SEC14L2: variants seen among roughly 807,000 people sequenced by gnomAD.
The protein encoded by SEC14L2 is SEC14-like protein 2.
A neutral mutation model predicts 56.9 loss-of-function variants in SEC14L2; 50 were observed. The observed-to-expected ratio is 0.88, with a 90% CI of 0.70 to 1.11. The LOEUF is 1.11. Ranked by LOEUF, SEC14L2 falls within the 50% of genes most tolerant of loss-of-function variation. The probability of loss-of-function intolerance (pLI) is 0.00; values close to 1 mark genes in which losing one functional copy is unlikely to be tolerated. For synonymous variants in SEC14L2, 179 were observed against 188.5 expected (o/e 0.95, Z 0.41); for missense variants, 414 against 500.7 (o/e 0.83, Z 1.65).
Position 30,400,920 on chromosome 22 carries a change from AAAAG to A in SEC14L2, c.130+1205_130+1208del, listed in dbSNP as rs1286922331. Among the ~76,000 whole-genome samples, 13 of 140,102 alleles carry A rather than the reference AAAAG, an allele frequency of 9.3e-5. 3 individuals carry two copies. The highest frequency in any genetic ancestry group is 3.3e-4 in the African/African-American group (11 of 33,740). The allele number at this position is 140,102 out of a possible 152,430, so 91.9% of individuals were successfully genotyped here. On this transcript the variant is annotated intron_variant, in intron 2 of 11. Coordinates refer to ENST00000615189, the MANE Select transcript of SEC14L2 (RefSeq NM_012429.5). ...AAAAAAAAAAAAAAAAAAAAAAAAAAAAAGAAGGTTACCTTTTTTTTTTTCTTTT... is the reference window on the plus strand; with the variant it reads ...AAAAAAAAAAAAAAAAAAAAAAAAAAAAGGTTACCTTTTTTTTTTTCTTTT...
intron 8 of SEC14L2, among the ~76,000 whole-genome samples, chr22:30,412,739 G>A (rs945351377): frequency 5.3e-5 from 8 of 150,758 alleles, no homozygotes; most frequent in African/African-American, 1.2e-4. Flanking sequence ...TGGGAGGATC[G>A]CTTAGCCCAG....
intron 8 of SEC14L2, among the ~76,000 whole-genome samples, chr22:30,413,542 A>C (rs1283782290): frequency 6.6e-6 from 1 of 152,212 alleles, no homozygotes; most frequent in African/African-American, 2.4e-5. Context: ...AAACATAGTG[A>C]GACACCGTTT....
intron 11 of SEC14L2, chr22:30,420,483 C>T (rs569247148): frequency 3.3e-5 from 5 of 152,302 alleles, no homozygotes; most frequent in Admixed American, 3.3e-4. Flanking sequence ...CATTATCGAC[C>T]TAGTACTTGG....
At position 30,423,493 on chromosome 22, in the gene SEC14L2, G is replaced by C. The variant is rs929344049; in HGVS notation, c.*1086G>C. The C allele has an allele frequency of 6.6e-6, 1 of 152,466 alleles. No individual in the cohort carries two copies. Among genetic ancestry groups the C allele is most frequent in the African/African-American group, 2.4e-5 (1 of 41,488 alleles). The allele number at this position is 152,466 out of a possible 1,614,324, so 9.4% of individuals were successfully genotyped here. On this transcript the variant is annotated 3_prime_UTR_variant, in exon 12 of 12. Coordinates refer to ENST00000615189, the MANE Select transcript of SEC14L2 (RefSeq NM_012429.5). Reference sequence around the variant, plus strand: ...AGGAGGCCGCCCAAAGGCGGGGCCGGCGTCTCGCAGACTAGGGGCTGGGGG... The same window carrying C: ...AGGAGGCCGCCCAAAGGCGGGGCCGCCGTCTCGCAGACTAGGGGCTGGGGG...
At position 30,422,948 on chromosome 22, in the gene SEC14L2, G is replaced by A. The variant is rs1227022334; in HGVS notation, c.*541G>A. 6.5e-6 allele frequency: 1 copy of A among 153,130 alleles called. No homozygotes were observed. Among genetic ancestry groups the A allele is most frequent in the South Asian group, 2.1e-4 (1 of 4,872 alleles). 9.5% of individuals were successfully genotyped at this position (153,130 alleles called of 1,614,324 possible). On this transcript the variant is annotated 3_prime_UTR_variant, in exon 12 of 12. Transcript: ENST00000615189. ...TTTCCCAGGTCTCAGGAGGTGGCCT[G>A]AGTCAGCACACATCTTCCCACTCGG...
At chr22:30,420,653 T>C (rs1229003796) in intron 11 of SEC14L2, 5 of 152,154 alleles carry the variant, frequency 3.3e-5, no homozygotes, top group Non-Finnish European at 5.9e-5. Flanking sequence ...ACCTTCACCA[T>C]GAGGAAAGAG....
chr22:30,398,671 TTCA>T (rs1270582884), intron 1 of SEC14L2: 16 of 471,032 alleles, frequency 3.4e-5, no homozygotes, highest in Admixed American at 2.6e-4. Flanking sequence ...TTTGAAGTCC[TTCA>T]AGCCCAGCAC....
chr22:30,405,519 G>C (rs1355986781), intron 2 of SEC14L2, among the ~76,000 whole-genome samples: 4 of 152,188 alleles, frequency 2.6e-5, no homozygotes, highest in Non-Finnish European at 4.4e-5. Context: ...TCTGAAACTT[G>C]TCAGGAGCCC....
chr22:30,421,272 A>G (rs1363731443), intron 11 of SEC14L2: 2 of 152,236 alleles, frequency 1.3e-5, no homozygotes, highest in Non-Finnish European at 2.9e-5. Context: ...GGATTTCAGG[A>G]AACTTTCCCA....
intron 3 of SEC14L2, among the ~76,000 whole-genome samples, chr22:30,406,638 C>T (rs966315479): frequency 6.6e-6 from 1 of 152,220 alleles, no homozygotes; most frequent in African/African-American, 2.4e-5. Flanking sequence ...CTTTTCCATT[C>T]CTGCCTAATG....
chr22:30,416,869 G>A (rs1405844501), intron 11 of SEC14L2: 7 of 1,038,076 alleles, frequency 6.7e-6, no homozygotes, highest in South Asian at 4.0e-5. Flanking sequence ...CACAGACTAT[G>A]AGCAGGCAGT....
At chr22:30,402,545 C>T (rs376323598) in intron 2 of SEC14L2, among the ~76,000 whole-genome samples, 8 of 152,012 alleles carry the variant, frequency 5.3e-5, no homozygotes, top group African/African-American at 1.5e-4. Context: ...ACAGTTAATG[C>T]GAAGCAGAAT....
intron 1 of SEC14L2, 80 bp downstream of exon 1, chr22:30,397,250 G>A: frequency 1.6e-6 from 2 of 1,270,508 alleles, no homozygotes; most frequent in African/African-American, 1.6e-5. Flanking sequence ...GGACGGGGCT[G>A]GGTGGGGGCC....
At chr22:30,416,543 T>C (rs759383375) in intron 11 of SEC14L2, 140 bp downstream of exon 11, 6 of 1,536,864 alleles carry the variant, frequency 3.9e-6, no homozygotes, top group East Asian at 2.4e-5. Context: ...TCTCCTTGTA[T>C]AGATGAAGAA....
intron 11 of SEC14L2, 171 bp downstream of exon 11, chr22:30,416,574 T>TA: frequency 6.7e-7 from 1 of 1,494,826 alleles, no homozygotes; most frequent in African/African-American, 1.4e-5. Context: ...GGAGACTTGT[T>TA]TATGGTGACC....
At chr22:30,419,635 A>C (rs914209361) in intron 11 of SEC14L2, among the ~76,000 whole-genome samples, 2 of 152,208 alleles carry the variant, frequency 1.3e-5, no homozygotes, top group African/African-American at 4.8e-5. Flanking sequence ...GTAAAGACCA[A>C]ACACTTCCTC....
intron 1 of SEC14L2, chr22:30,397,708 C>T (rs748950640): frequency 1.5e-4 from 55 of 367,954 alleles, no homozygotes; most frequent in Admixed American, 6.9e-4. Flanking sequence ...GAGGTTGGAC[C>T]AGATGATGTT....
intron 2 of SEC14L2, 139 bp from the exon 3 acceptor site, chr22:30,406,203 G>A (rs1225177827): frequency 6.9e-6 from 5 of 727,814 alleles, no homozygotes; most frequent in Non-Finnish European, 1.1e-5. Context: ...GTTAGCTTCT[G>A]CTTGTAGGAT....
intron 5 of SEC14L2, 125 bp from the exon 6 acceptor site, chr22:30,409,062 C>G: frequency 3.4e-6 from 3 of 873,178 alleles, no homozygotes; most frequent in Non-Finnish European, 5.8e-6. Context: ...TTGGAAAACT[C>G]TAGGTCCGGC....
Sources: allele counts gnomAD v4.1 joint callset (sites outside exome capture counted in the v4.1 genomes callset), GRCh38; gene constraint gnomAD v4.1.1; transcripts MANE v1.5; gene names NCBI Gene and HGNC (gene_info 2026-07-23, HGNC 2026-07-21).